Variants in TOX2 observed in about 807,000 individuals in gnomAD.
TOX2 encodes granulosa cell HMG box 1.
A neutral mutation model predicts 47.4 loss-of-function variants in TOX2; 15 were observed. That is an observed-to-expected ratio of 0.32 (90% confidence interval 0.21 to 0.49). TOX2 has a LOEUF of 0.49. Ranked by LOEUF, TOX2 falls within the 20% of genes least tolerant of loss-of-function variation. The pLI is 0.99. For missense variants in TOX2, 622 were observed against 673.1 expected, an observed-to-expected ratio of 0.92 and a Z score of 0.84; for synonymous variants, 290 against 296.6, an observed-to-expected ratio of 0.98 and a Z score of 0.23.
rs370826299 is a variant in TOX2, at chr20:44,018,156, A to T, written c.411+11364A>T. Among the ~76,000 whole-genome samples the T allele has an allele frequency of 6.6e-5, 10 of 152,356 alleles. No homozygotes were observed. The East Asian group carries it at 1.9e-3, about 29-fold the overall frequency. ...TGAGAGGAAGAAATTTCATATGTGC[A>T]TGGACCTCCCTGTTCAGACCTGATC... is the stretch of plus-strand genomic sequence containing the variant. On this transcript the variant is annotated intron_variant, in intron 3 of 8. Transcript: ENST00000341197.
intron 1 of TOX2, among the ~76,000 whole-genome samples, chr20:43,940,048 G>C (rs373545727): frequency 6.6e-6 from 1 of 152,178 alleles, no homozygotes; most frequent in African/African-American, 2.4e-5. Flanking sequence ...GGTGTATGGG[G>C]CTTGGGGTAC....
chr20:43,983,025 G>A (rs1026234104), intron 2 of TOX2, among the ~76,000 whole-genome samples: 10 of 151,924 alleles, frequency 6.6e-5, no homozygotes, highest in African/African-American at 2.2e-4. Flanking sequence ...CACATGAGGT[G>A]CTCCCTGGGG....
chr20:43,982,763 C>T (rs987263892), intron 2 of TOX2, among the ~76,000 whole-genome samples: 1 of 151,604 alleles, frequency 6.6e-6, no homozygotes, highest in Admixed American at 6.6e-5. Context: ...GGGCTGGATG[C>T]TGATGGGGCT....
chr20:43,958,725 C>G (rs1361191966), intron 1 of TOX2, among the ~76,000 whole-genome samples: 1 of 152,244 alleles, frequency 6.6e-6, no homozygotes, highest in East Asian at 1.9e-4. Flanking sequence ...TGGGCTAAAT[C>G]TGGCTTCTTC....
intron 1 of TOX2, among the ~76,000 whole-genome samples, chr20:43,922,719 C>T (rs1242318367): frequency 6.6e-6 from 1 of 152,174 alleles, no homozygotes; most frequent in African/African-American, 2.4e-5. Context: ...ATATTTAAAA[C>T]TTGCTGCCGT....
intron 3 of TOX2, among the ~76,000 whole-genome samples, chr20:44,044,279 G>C (rs532875531): frequency 6.6e-6 from 1 of 152,122 alleles, no homozygotes; most frequent in Admixed American, 6.5e-5. Flanking sequence ...GCCTGTTGTG[G>C]GGGGCGGTTG....
intron 1 of TOX2, among the ~76,000 whole-genome samples, chr20:43,922,543 C>T (rs2069122888): frequency 6.6e-6 from 1 of 152,172 alleles, no homozygotes; most frequent in Non-Finnish European, 1.5e-5. Flanking sequence ...ATCTTATTTA[C>T]ATGGATTCAA....
chr20:44,024,599 G>A (rs1486645268), intron 3 of TOX2, among the ~76,000 whole-genome samples: 1 of 151,684 alleles, frequency 6.6e-6, no homozygotes. Flanking sequence ...TCTTCCCAAA[G>A]CATAGCTTTG....
chr20:43,976,299 C>G (rs1406535365), intron 2 of TOX2, among the ~76,000 whole-genome samples: 7 of 152,216 alleles, frequency 4.6e-5, no homozygotes, highest in African/African-American at 1.7e-4. Flanking sequence ...ATTGCCAGAT[C>G]AGCAGTGGGC....
intron 3 of TOX2, among the ~76,000 whole-genome samples, chr20:44,036,692 T>C (rs1378634459): frequency 6.6e-6 from 1 of 152,286 alleles, no homozygotes; most frequent in African/African-American, 2.4e-5. Flanking sequence ...GCCCTTCATT[T>C]GCATTCTCAT....
chr20:43,950,921 C>T (rs866167880), intron 1 of TOX2, among the ~76,000 whole-genome samples: 2 of 151,924 alleles, frequency 1.3e-5, no homozygotes, highest in African/African-American at 4.8e-5. Context: ...GGTGCACGGA[C>T]GCATGAGTAC....
At chr20:44,056,969 G>A (rs962088327) in intron 5 of TOX2, among the ~76,000 whole-genome samples, 1 of 152,154 alleles carries the variant, frequency 6.6e-6, no homozygotes, top group Non-Finnish European at 1.5e-5. Flanking sequence ...GAGGTCAGTG[G>A]CATGATCATA....
intron 3 of TOX2, among the ~76,000 whole-genome samples, chr20:44,022,505 G>T (rs1031314202): frequency 3.3e-5 from 5 of 152,240 alleles, no homozygotes; most frequent in Admixed American, 6.5e-5. Context: ...ATCCTTTCTG[G>T]TTCCCCCAGG....
At chr20:44,028,099 G>A (rs1476652251) in intron 3 of TOX2, among the ~76,000 whole-genome samples, 1 of 152,230 alleles carries the variant, frequency 6.6e-6, no homozygotes, top group African/African-American at 2.4e-5. Flanking sequence ...ACTAACAGCT[G>A]TGACAAGTTC....
At chr20:44,066,652 C>T (rs2071827587) in intron 7 of TOX2, 78 bp from the exon 8 acceptor site, 1 of 1,608,176 alleles carries the variant, frequency 6.2e-7, no homozygotes, top group Admixed American at 1.7e-5. Flanking sequence ...GACACATGGG[C>T]TCTCACCCCG....
intron 5 of TOX2, among the ~76,000 whole-genome samples, chr20:44,064,474 G>A (rs1169709600): frequency 6.6e-6 from 1 of 152,234 alleles, no homozygotes; most frequent in African/African-American, 2.4e-5. Flanking sequence ...TCAGAATGGG[G>A]GCTTCAAAGG....
chr20:43,983,872 AG>A (rs1467460727), intron 2 of TOX2, among the ~76,000 whole-genome samples: 1 of 152,144 alleles, frequency 6.6e-6, no homozygotes, highest in Non-Finnish European at 1.5e-5. Context: ...GAGGCAGAGG[AG>A]GGTGAGGCTC....
intron 3 of TOX2, among the ~76,000 whole-genome samples, chr20:44,041,009 G>A (rs911078759): frequency 6.6e-6 from 1 of 152,182 alleles, no homozygotes; most frequent in South Asian, 2.1e-4. Flanking sequence ...GCCTGAGATG[G>A]GGTTCTTGTG....
intron 3 of TOX2, among the ~76,000 whole-genome samples, chr20:44,043,638 G>T (rs550939970): frequency 6.6e-6 from 1 of 152,098 alleles, no homozygotes; most frequent in African/African-American, 2.4e-5. Flanking sequence ...ACAGATTTTC[G>T]CCATCTCCCA....
Sources: gnomAD v4.1 joint callset for allele counts (sites outside exome capture counted in the v4.1 genomes callset) on GRCh38, gnomAD v4.1.1 for gene constraint, MANE v1.5 for transcripts, NCBI Gene and HGNC (gene_info 2026-07-23, HGNC 2026-07-21) for gene names.